Variants in PARD3B observed in about 807,000 individuals in gnomAD.
The protein encoded by PARD3B is partitioning defective 3 homolog B.
Under a neutral mutation model 130.2 loss-of-function variants are expected in PARD3B, and 103 were observed. The observed-to-expected ratio is 0.79, with a 90% confidence interval of 0.67 to 0.93. The LOEUF (loss-of-function observed/expected upper bound fraction) is 0.93. Among genes scored for constraint, PARD3B ranks in the 40% least tolerant of loss-of-function variants. The pLI, the probability that PARD3B is intolerant of heterozygous loss-of-function variation, is 0.00. For synonymous variants in PARD3B, 583 were observed against 553.2 expected (o/e 1.05, Z -0.76); for missense variants, 1,609 against 1,499.2 (o/e 1.07, Z -1.21).
intron 2 of PARD3B, among the ~76,000 whole-genome samples, chr2:204,895,056 C>CA (rs5837940): frequency 9.9e-5 from 15 of 151,220 alleles, no homozygotes; most frequent in Middle Eastern, 3.4e-3. Flanking sequence ...AAAGACCTAC[C>CA]AAAAAAAACC....
intron 18 of PARD3B, among the ~76,000 whole-genome samples, chr2:205,389,658 C>A (rs1026614414): frequency 6.6e-6 from 1 of 152,184 alleles, no homozygotes; most frequent in African/African-American, 2.4e-5. Flanking sequence ...ATTTAAAATT[C>A]TCTTAATGGT....
At chr2:204,605,042 G>C (rs1293992799) in intron 1 of PARD3B, among the ~76,000 whole-genome samples, 1 of 152,102 alleles carries the variant, frequency 6.6e-6, no homozygotes, top group Admixed American at 6.6e-5. Flanking sequence ...CTCTTAGCAA[G>C]GTATTTGTAC....
intron 20 of PARD3B, among the ~76,000 whole-genome samples, chr2:205,442,931 G>C (rs2047772543): frequency 6.6e-6 from 1 of 152,144 alleles, no homozygotes; most frequent in South Asian, 2.1e-4. Context: ...GTGATCTAAA[G>C]CTGCTTTCAA....
intron 21 of PARD3B, among the ~76,000 whole-genome samples, chr2:205,542,605 G>A (rs893209245): frequency 3.3e-5 from 5 of 152,058 alleles, no homozygotes; most frequent in Admixed American, 6.6e-5. Context: ...TGGTAGGACA[G>A]GTCTGATAAT....
At chr2:204,843,947 C>G (rs1345405837) in intron 2 of PARD3B, among the ~76,000 whole-genome samples, 1 of 152,054 alleles carries the variant, frequency 6.6e-6, no homozygotes, top group Non-Finnish European at 1.5e-5. Flanking sequence ...TCAGGTAACA[C>G]TAATTTATTT....
intron 2 of PARD3B, among the ~76,000 whole-genome samples, chr2:204,848,675 GTATC>G (rs949782583): frequency 1.9e-4 from 28 of 149,274 alleles, no homozygotes; most frequent in East Asian, 1.4e-3. Context: ...GTCTGTCTGT[GTATC>G]TATCTATTAT....
intron 2 of PARD3B, among the ~76,000 whole-genome samples, chr2:204,830,095 C>T (rs1219316705): frequency 6.6e-6 from 1 of 151,816 alleles, no homozygotes; most frequent in African/African-American, 2.4e-5. Flanking sequence ...TTCCTCTTTG[C>T]CTTTCTACCA....
At chr2:205,330,640 A>C (rs888993007) in intron 18 of PARD3B, among the ~76,000 whole-genome samples, 5 of 152,194 alleles carry the variant, frequency 3.3e-5, no homozygotes, top group African/African-American at 1.2e-4. Flanking sequence ...TTTAGTTGTC[A>C]TTTAAAAGAG....
At chr2:204,553,676 A>G (rs1261057977) in intron 1 of PARD3B, among the ~76,000 whole-genome samples, 1 of 120,294 alleles carries the variant, frequency 8.3e-6, no homozygotes, top group Non-Finnish European at 1.6e-5. Context: ...ATATATATAT[A>G]TATATATATA....
chr2:205,199,839 C>A (rs1211704085), intron 15 of PARD3B, among the ~76,000 whole-genome samples: 1 of 152,066 alleles, frequency 6.6e-6, no homozygotes, highest in African/African-American at 2.4e-5. Flanking sequence ...CGTCCCTGAT[C>A]ATCAGAAATT....
At chr2:204,771,106 C>CA (rs1281578126) in intron 2 of PARD3B, among the ~76,000 whole-genome samples, 2 of 152,084 alleles carry the variant, frequency 1.3e-5, no homozygotes, top group Non-Finnish European at 2.9e-5. Context: ...GGCATGTGTG[C>CA]ATGCATGAGG....
chr2:205,583,790 C>A (rs913707988), intron 22 of PARD3B, among the ~76,000 whole-genome samples: 29 of 152,308 alleles, frequency 1.9e-4, no homozygotes, highest in African/African-American at 6.7e-4. Context: ...CTGCCACAAT[C>A]TTTAATCTAT....
chr2:205,349,986 G>A (rs2043938783), intron 18 of PARD3B, among the ~76,000 whole-genome samples: 1 of 151,974 alleles, frequency 6.6e-6, no homozygotes, highest in African/African-American at 2.4e-5. Context: ...AGCAGCCAGT[G>A]GGTTTTGGCT....
intron 1 of PARD3B, among the ~76,000 whole-genome samples, chr2:204,553,619 TAC>T (rs1185913460): frequency 3.8e-4 from 52 of 136,934 alleles, no homozygotes; most frequent in South Asian, 6.7e-4. Context: ...TATGGCTATA[TAC>T]ATATATATGG....
rs375301293 is a variant in PARD3B at position 205,150,252 on chromosome 2, T to TGTGTGTGC, written c.1435-8469_1435-8468insTGTGTGCG. Among the ~76,000 whole-genome samples, 412 of 145,866 alleles carry TGTGTGTGC rather than the reference T, an allele frequency of 2.8e-3. 6 individuals carry two copies. Among genetic ancestry groups the TGTGTGTGC allele is most frequent in the African/African-American group, 0.01 (395 of 38,942 alleles). On this transcript the variant is annotated intron_variant, in intron 10 of 22. Coordinates refer to ENST00000406610, the MANE Select transcript of PARD3B (RefSeq NM_001302769.2). The stretch of plus-strand genomic sequence containing the variant: ...GTGTGTGTGTGTGTGTGTGTGTGTG[T>TGTGTGTGC]GCACACACGCTTGAAATCTGTGAGT...
chr2:204,900,814 T>C (rs1269900135), intron 2 of PARD3B, among the ~76,000 whole-genome samples: 1 of 152,186 alleles, frequency 6.6e-6, no homozygotes, highest in Non-Finnish European at 1.5e-5. Context: ...ATCTAAGTTT[T>C]TGGTCACTGC....
At chr2:205,528,622 G>A (rs370359613) in intron 21 of PARD3B, among the ~76,000 whole-genome samples, 1 of 151,970 alleles carries the variant, frequency 6.6e-6, no homozygotes, top group Non-Finnish European at 1.5e-5. Flanking sequence ...CTCCCAAGTA[G>A]TTGGGATTAC....
intron 20 of PARD3B, among the ~76,000 whole-genome samples, chr2:205,487,286 CTT>C (rs2049481367): frequency 6.6e-6 from 1 of 152,184 alleles, no homozygotes; most frequent in South Asian, 2.1e-4. Context: ...TTAAAACACT[CTT>C]TTCCTTTGTC....
At chr2:205,436,872 T>C (rs979565994) in intron 19 of PARD3B, among the ~76,000 whole-genome samples, 1 of 152,122 alleles carries the variant, frequency 6.6e-6, no homozygotes, top group Non-Finnish European at 1.5e-5. Flanking sequence ...AGCAGGTTCA[T>C]ACTTCTCTTT....
Sources: allele counts gnomAD v4.1 joint callset (sites outside exome capture counted in the v4.1 genomes callset), GRCh38; gene constraint gnomAD v4.1.1; transcripts MANE v1.5; gene names NCBI Gene and HGNC (gene_info 2026-07-23, HGNC 2026-07-21).